The following SYTL1 variants were observed in gnomAD, a reference collection of about 807,000 sequenced individuals.
SYTL1 encodes the protein synaptotagmin like 1.
Under a neutral mutation model 74.6 loss-of-function variants are expected in SYTL1, and 53 were observed. The observed-to-expected ratio is 0.71, with a 90% confidence interval of 0.57 to 0.89. The LOEUF is 0.89. SYTL1 is among the 40% of genes least tolerant of loss of function. SYTL1 has a pLI of 0.00. For missense variants in SYTL1, 728 were observed against 768.7 expected, an observed-to-expected ratio of 0.95 and a Z score of 0.63; for synonymous variants, 329 against 324.9, an observed-to-expected ratio of 1.01 and a Z score of -0.14.
intron 6 of SYTL1, 46 bp from the exon 7 acceptor site, chr1:27,349,352 G>C (rs2015137106): frequency 4.8e-6 from 7 of 1,447,006 alleles, no homozygotes; most frequent in Non-Finnish European, 6.4e-6. Context: ...ATTTGCTTAG[G>C]GGAGGGCAGG....
intron 6 of SYTL1, 90 bp downstream of exon 6, chr1:27,349,242 T>A (rs2015132121): frequency 1.3e-6 from 2 of 1,502,532 alleles, no homozygotes; most frequent in Non-Finnish European, 1.8e-6. Context: ...TTCACCCTCG[T>A]CACCCCCACT....
Position 27,347,659 on chromosome 1 carries a change from AGT to A in SYTL1, c.340+91_340+92del. The A allele has an allele frequency of 6.9e-7, 1 of 1,440,478 alleles. No homozygotes were observed. Among genetic ancestry groups the A allele is most frequent in the South Asian group, 1.2e-5 (1 of 80,802 alleles). The allele number at this position is 1,440,478 out of a possible 1,614,324, so 89.2% of individuals were successfully genotyped here. ...AGGGAGAGAGGACCACTAGGGCTCC[AGT>A]CCTGGCTGCCCCCAGTACTGTGTGT... On this transcript the variant is annotated intron_variant, in intron 3 of 14. Coordinates refer to ENST00000616558, the MANE Select transcript of SYTL1 (RefSeq NM_001193308.2). This position sits in a 1 kb window ranked among gnomAD's most constrained non-coding sequence, Gnocchi z 4.9.
Position 27,347,682 on chromosome 1 carries a change from T to G in SYTL1, c.340+113T>G. 1.5e-6 allele frequency: 2 copies of G among 1,351,948 alleles called. No individual in the cohort carries two copies. Among genetic ancestry groups the G allele is most frequent in the Non-Finnish European group, 2.0e-6 (2 of 995,906 alleles). 83.7% of individuals were successfully genotyped at this position (1,351,948 alleles called of 1,614,324 possible). A position where few individuals can be genotyped will look rare whatever the true frequency, so the allele number is the denominator to read the frequency against. Reference sequence around the variant, plus strand: ...CCAGTCCTGGCTGCCCCCAGTACTGTGTGTCTTTCAGTGGGCAATGCCCCT... The same window carrying G: ...CCAGTCCTGGCTGCCCCCAGTACTGGGTGTCTTTCAGTGGGCAATGCCCCT... On this transcript the variant is annotated intron_variant, in intron 3 of 14. Coordinates refer to ENST00000616558, the MANE Select transcript of SYTL1 (RefSeq NM_001193308.2). This position sits in a 1 kb window ranked among gnomAD's most constrained non-coding sequence, Gnocchi z 4.9.
chr1:27,346,144 C>T (rs76076014), intron 2 of SYTL1, among the ~76,000 whole-genome samples: 1,977 of 152,256 alleles, frequency 0.013, 21 homozygotes, highest in East Asian at 0.024. Context: ...GGGCAAGCTC[C>T]TAGGCATGGT....
rs1258511749 is a variant in SYTL1, at chr1:27,345,917, A to C, written c.191+392A>C. 6.6e-6 allele frequency among the ~76,000 whole-genome samples: 1 copy of C among 151,960 alleles called. No individual in the cohort carries two copies. The highest frequency in any genetic ancestry group is 2.4e-5 in the African/African-American group (1 of 41,362). On this transcript the variant is annotated intron_variant, in intron 2 of 14. Coordinates refer to ENST00000616558, the MANE Select transcript of SYTL1 (RefSeq NM_001193308.2). This position sits in a 1 kb window ranked among gnomAD's most constrained non-coding sequence, Gnocchi z 6.0. ...TGCCACAGCCTCCCAAATAGCTGGG[A>C]TTATAGGCACATGCCACCATGCCCA...
In SYTL1 at chr1:27,350,535, C is replaced by A. The variant is rs770626440; in HGVS notation, c.1005+50C>A. ...TCCCCGTTAATGAACTGGACGCCCC[C>A]TTCCTGCGGGGCTAGGTGGCAAGGG... is the stretch of plus-strand genomic sequence containing the variant. On this transcript the variant is annotated intron_variant, in intron 10 of 14. Coordinates refer to ENST00000616558, the MANE Select transcript of SYTL1 (RefSeq NM_001193308.2). The surrounding 1 kb of genome is among the most constrained non-coding windows in gnomAD (Gnocchi z 6.3). The A allele has an allele frequency of 5.4e-6, 8 of 1,484,328 alleles. No individual in the cohort carries two copies. The highest frequency in any genetic ancestry group is 4.6e-5 in the South Asian group (4 of 86,442). 91.9% of individuals were successfully genotyped at this position (1,484,328 alleles called of 1,614,324 possible).
Position 27,351,273 on chromosome 1 carries a change from G to C in SYTL1, c.1180G>C (p.Asp394His). Residue 394 changes from aspartate (D) to histidine (H), a missense_variant, in exon 12 of 15, where the codon GAC (aspartate) becomes CAC (histidine). Coordinates refer to ENST00000616558, the MANE Select transcript of SYTL1 (RefSeq NM_001193308.2). The surrounding 1 kb of genome is among the most constrained non-coding windows in gnomAD (Gnocchi z 5.0). The stretch of plus-strand genomic sequence containing the variant: ...CCTCTCGCAGGTCCCACCCTCTCCC[G>C]ACGACCTTCCGAGCCGCGGGTTACT... ...PLQPRVPPSPDDLPSRGLLAL... is the reference protein window; with the variant it reads ...PLQPRVPPSPHDLPSRGLLAL... 2 of 1,560,280 alleles carry C rather than the reference G, an allele frequency of 1.3e-6. No homozygotes were observed. The highest frequency in any genetic ancestry group is 8.7e-7 in the Non-Finnish European group (1 of 1,153,390).
rs1230235165 is a variant in SYTL1 at position 27,350,061 on chromosome 1, C to A, written c.837C>A (p.Gly279=). 2 of 1,506,310 alleles carry A rather than the reference C, an allele frequency of 1.3e-6. No homozygotes were observed. The highest frequency in any genetic ancestry group is 1.8e-6 in the Non-Finnish European group (2 of 1,135,580). The allele number at this position is 1,506,310 out of a possible 1,614,324, so 93.3% of individuals were successfully genotyped here. ...SVHFALHYEP[G]AAELRVHVIQ... is the part of the protein sequence containing the mutation. ...ACTTCGCGCTGCACTACGAGCCGGG[C>A]GCCGCCGAGCTGCGCGTGCACGTGA... The change falls in exon 9 of 15, where the codon GGC becomes GGA. Residue 279 remains glycine (G), a synonymous_variant. Coordinates refer to ENST00000616558, the MANE Select transcript of SYTL1 (RefSeq NM_001193308.2). This position sits in a 1 kb window ranked among gnomAD's most constrained non-coding sequence, Gnocchi z 6.3.
Position 27,349,065 on chromosome 1 carries a change from C to T in SYTL1, c.460-15C>T. On this transcript the variant is annotated splice_polypyrimidine_tract_variant and intron_variant, in intron 5 of 14. Coordinates refer to ENST00000616558, the MANE Select transcript of SYTL1 (RefSeq NM_001193308.2). Reference sequence around the variant, plus strand: ...CAGCCCCCGTACTGTGACCTCTACCCCTTTCTTCCTTCAGGGACCTGATTT... The same window carrying T: ...CAGCCCCCGTACTGTGACCTCTACCTCTTTCTTCCTTCAGGGACCTGATTT... 5 of 1,606,598 alleles carry T rather than the reference C, an allele frequency of 3.1e-6. No individual in the cohort carries two copies. The highest frequency in any genetic ancestry group is 4.3e-6 in the Non-Finnish European group (5 of 1,173,328).
In SYTL1 at chr1:27,353,830, C is replaced by A; in HGVS notation, c.1667C>A (p.Thr556Asn). 6.2e-7 allele frequency: 1 copy of A among 1,613,900 alleles called. No individual in the cohort carries two copies. Among genetic ancestry groups the A allele is most frequent in the South Asian group, 1.1e-5 (1 of 91,076 alleles). The part of the protein sequence containing the change: ...EWVDGLLPLR[T>N]NLAPRT The stretch of plus-strand genomic sequence containing the variant: ...GTGGATGGCCTTCTACCCCTCAGAA[C>A]CAACCTGGCCCCCAGGACGTAGCCC... The change falls in exon 15 of 15, where the codon ACC (threonine) becomes AAC (asparagine). Residue 556 changes from threonine to asparagine, a missense_variant. Thr to Asn is a moderately conservative substitution (Grantham distance 65). Coordinates refer to ENST00000616558, the MANE Select transcript of SYTL1 (RefSeq NM_001193308.2).
Position 27,350,450 on chromosome 1 carries a change from C to T in SYTL1, c.970C>T (p.Arg324Trp), listed in dbSNP as rs768072565. ...QSKRKTAVKK[R>W]NLNPVFNETL... Reference sequence around the variant, plus strand: ...CAAGCGCAAGACGGCGGTGAAGAAACGGAATCTGAATCCGGTTTTCAACGA... The same window carrying T: ...CAAGCGCAAGACGGCGGTGAAGAAATGGAATCTGAATCCGGTTTTCAACGA... The change falls in exon 10 of 15, where the codon CGG becomes TGG. Residue 324 changes from arginine to tryptophan, a missense_variant. Coordinates refer to ENST00000616558, the MANE Select transcript of SYTL1 (RefSeq NM_001193308.2). The surrounding 1 kb of genome is among the most constrained non-coding windows in gnomAD (Gnocchi z 6.3). 5.6e-6 allele frequency: 9 copies of T among 1,613,902 alleles called. No homozygotes were observed. Among genetic ancestry groups the T allele is most frequent in the Non-Finnish European group, 6.8e-6 (8 of 1,179,976 alleles).
rs2015046093 is a variant in SYTL1, at chr1:27,347,462, T to A, written c.233T>A (p.Ile78Asn). 6.2e-7 allele frequency: 1 copy of A among 1,614,088 alleles called. No homozygotes were observed. Among genetic ancestry groups the A allele is most frequent in the Non-Finnish European group, 8.5e-7 (1 of 1,180,028 alleles). ...ASVADPGQLK[I>N]LTGDWFQEAR... ...GTGGCAGACCCTGGGCAGCTGAAGATCCTGACAGGGGACTGGTTCCAGGAA... is the reference window on the plus strand; with the variant it reads ...GTGGCAGACCCTGGGCAGCTGAAGAACCTGACAGGGGACTGGTTCCAGGAA... The change falls in exon 3 of 15, where the codon ATC (isoleucine) becomes AAC (asparagine). Residue 78 changes from isoleucine to asparagine, a missense_variant. By Grantham distance (149) the Ile-to-Asn change is moderately radical. Coordinates refer to ENST00000616558, the MANE Select transcript of SYTL1 (RefSeq NM_001193308.2). This position sits in a 1 kb window ranked among gnomAD's most constrained non-coding sequence, Gnocchi z 4.9.
At position 27,351,201 on chromosome 1, in the gene SYTL1, C is replaced by A; in HGVS notation, c.1165-57C>A. On this transcript the variant is annotated intron_variant, in intron 11 of 14. Transcript: ENST00000616558. The surrounding 1 kb of genome is among the most constrained non-coding windows in gnomAD (Gnocchi z 5.0). The stretch of plus-strand genomic sequence containing the variant: ...ACCCCATCCGGGTCTGCAGACCCCA[C>A]CCTCCTGAGGCCCCTTTCCATTAGC... The A allele has an allele frequency of 6.5e-7, 1 of 1,536,694 alleles. No homozygotes were observed. Among genetic ancestry groups the A allele is most frequent in the African/African-American group, 1.4e-5 (1 of 72,862 alleles).
In SYTL1 at chr1:27,349,422, T is replaced by A. The variant is rs1326506735; in HGVS notation, c.557T>A (p.Val186Asp). 1.0e-5 allele frequency: 15 copies of A among 1,452,106 alleles called. No individual in the cohort carries two copies. Among genetic ancestry groups the A allele is most frequent in the Non-Finnish European group, 4.5e-6 (5 of 1,101,610 alleles). 90.0% of individuals were successfully genotyped at this position (1,452,106 alleles called of 1,614,324 possible). A position where few individuals can be genotyped will look rare whatever the true frequency, so the allele number is the denominator to read the frequency against. Residue 186 changes from valine to aspartate, a missense_variant, in exon 7 of 15, where the codon GTC (valine) becomes GAC (aspartate). Physicochemically the swap from Val to Asp is radical, Grantham distance 152 (BLOSUM62 -3). Transcript: ENST00000616558. ...QEDPGQGDQQ[V>D]CAEEADPELE... ...GATCCTGGCCAAGGAGACCAACAGGTCTGTGCCGAGGAGGCTGACCCGGAG... is the reference window on the plus strand; with the variant it reads ...GATCCTGGCCAAGGAGACCAACAGGACTGTGCCGAGGAGGCTGACCCGGAG...
At position 27,353,336 on chromosome 1, in the gene SYTL1, G is replaced by A. The variant is rs377161768; in HGVS notation, c.1397G>A (p.Arg466Gln). ...AGCCGCCAGCGTACAAGGGTTGTGC[G>A]ACGCAGCCTCAGCCCTGTGTTCAAT... ...QASRQRTRVV[R>Q]RSLSPVFNHT... is the part of the protein sequence containing the mutation. Residue 466 changes from arginine to glutamine, a missense_variant, in exon 14 of 15, where the codon CGA becomes CAA. By Grantham distance (43) the Arg-to-Gln change is conservative. Coordinates refer to ENST00000616558, the MANE Select transcript of SYTL1 (RefSeq NM_001193308.2). The A allele has an allele frequency of 1.7e-5, 27 of 1,609,232 alleles. No homozygotes were observed. In the East Asian group the frequency reaches 2.0e-4, roughly 12 times the overall value.
intron 7 of SYTL1, 66 bp downstream of exon 7, chr1:27,349,564 GC>G: frequency 6.8e-7 from 1 of 1,472,542 alleles, no homozygotes; most frequent in Non-Finnish European, 9.1e-7. Context: ...GAGCGCTCCT[GC>G]CCAGGGCTGC....
In SYTL1 at chr1:27,343,657, C is replaced by T. The variant is rs1328559473; in HGVS notation, c.-39+1507C>T. On this transcript the variant is annotated intron_variant, in intron 1 of 14. Coordinates refer to ENST00000616558, the MANE Select transcript of SYTL1 (RefSeq NM_001193308.2). This position sits in a 1 kb window ranked among gnomAD's most constrained non-coding sequence, Gnocchi z 5.2. ...AGGTGGGTGGTTGTATGTGTGCATTCCCATGTGTGTGCAGGCATATTTCTG... is the reference window on the plus strand; with the variant it reads ...AGGTGGGTGGTTGTATGTGTGCATTTCCATGTGTGTGCAGGCATATTTCTG... Among the ~76,000 whole-genome samples the T allele has an allele frequency of 6.6e-6, 1 of 151,876 alleles. No individual in the cohort carries two copies. The highest frequency in any genetic ancestry group is 2.4e-5 in the African/African-American group (1 of 41,340).
chr1:27,348,996 C>T lies in SYTL1; in HGVS notation c.460-84C>T, dbSNP rs2015118859. The T allele has an allele frequency of 9.2e-7, 1 of 1,082,532 alleles. No homozygotes were observed. Among genetic ancestry groups the T allele is most frequent in the Admixed American group, 2.1e-5 (1 of 47,662 alleles). 67.1% of individuals were successfully genotyped at this position (1,082,532 alleles called of 1,614,324 possible). A position where few individuals can be genotyped will look rare whatever the true frequency, so the allele number is the denominator to read the frequency against. Reference sequence around the variant, plus strand: ...TGAAACTGGGGTAGCTGGCTGGAGCCCTATGACCTCTGACCCCAATATGAC... The same window carrying T: ...TGAAACTGGGGTAGCTGGCTGGAGCTCTATGACCTCTGACCCCAATATGAC... On this transcript the variant is annotated intron_variant, in intron 5 of 14. Coordinates refer to ENST00000616558, the MANE Select transcript of SYTL1 (RefSeq NM_001193308.2). This position sits in a 1 kb window ranked among gnomAD's most constrained non-coding sequence, Gnocchi z 4.1.
chr1:27,347,278 G>A lies in SYTL1; in HGVS notation c.192-143G>A. On this transcript the variant is annotated intron_variant, in intron 2 of 14. Transcript: ENST00000616558. This position sits in a 1 kb window ranked among gnomAD's most constrained non-coding sequence, Gnocchi z 4.9. ...GTCTCTTCTGGACTTGGTCTCCCCAGCAGCCCGAGCTCCTCCACAGCACAG... is the reference window on the plus strand; with the variant it reads ...GTCTCTTCTGGACTTGGTCTCCCCAACAGCCCGAGCTCCTCCACAGCACAG... 9.8e-7 allele frequency: 1 copy of A among 1,020,816 alleles called. No individual in the cohort carries two copies. The highest frequency in any genetic ancestry group is 1.4e-6 in the Non-Finnish European group (1 of 692,366). 63.2% of individuals were successfully genotyped at this position (1,020,816 alleles called of 1,614,324 possible).
Sources: allele counts gnomAD v4.1 joint callset (sites outside exome capture counted in the v4.1 genomes callset), GRCh38; gene constraint gnomAD v4.1.1; non-coding constraint Gnocchi (gnomAD v3.1); transcripts MANE v1.5; gene names NCBI Gene and HGNC (gene_info 2026-07-23, HGNC 2026-07-21).